The following EPHA3 variants were observed in gnomAD, a reference collection of about 807,000 sequenced individuals.
EPHA3 encodes the protein ephrin type-A receptor 3.
Under a neutral mutation model 107.1 loss-of-function variants are expected in EPHA3, and 42 were observed. The ratio of observed to expected loss-of-function variants is 0.39; its 90% CI spans 0.31 to 0.51. The LOEUF (loss-of-function observed/expected upper bound fraction) is 0.51, where lower values mean the gene tolerates loss of function less well. EPHA3 is among the 20% of genes least tolerant of loss of function. EPHA3 has a pLI of 0.78. For synonymous variants in EPHA3, 461 were observed against 424.8 expected (o/e 1.09, Z -1.05); for missense variants, 1,183 against 1,211.2 (o/e 0.98, Z 0.35).
chr3:89,155,155 A>G (rs1704771303), intron 2 of EPHA3, among the ~76,000 whole-genome samples: 1 of 151,728 alleles, frequency 6.6e-6, no homozygotes, highest in African/African-American at 2.4e-5. Context: ...TAATAGACTC[A>G]GAAGTGTATG....
chr3:89,266,556 G>A (rs1319586547), intron 3 of EPHA3, among the ~76,000 whole-genome samples: 5 of 151,920 alleles, frequency 3.3e-5, no homozygotes, highest in African/African-American at 1.2e-4. Flanking sequence ...TTTTTTTAAA[G>A]TAAATATTTA....
At chr3:89,468,308 G>A (rs1215205889) in intron 15 of EPHA3, among the ~76,000 whole-genome samples, 1 of 151,866 alleles carries the variant, frequency 6.6e-6, no homozygotes, top group African/African-American at 2.4e-5. Context: ...GACAAACTCA[G>A]TTGGGGTCAC....
At chr3:89,309,358 A>C (rs565246031) in intron 3 of EPHA3, among the ~76,000 whole-genome samples, 5 of 152,278 alleles carry the variant, frequency 3.3e-5, no homozygotes, top group African/African-American at 1.2e-4. Flanking sequence ...GGAAAGTTGT[A>C]TCTTGAGCCT....
At position 89,341,231 on chromosome 3, in the gene EPHA3, A is replaced by G. The variant is rs1428846135; in HGVS notation, c.970+160A>G. Among the ~76,000 whole-genome samples the G allele has an allele frequency of 5.9e-5, 9 of 152,184 alleles. 1 individual carries two copies. In the East Asian group the frequency reaches 1.7e-3, roughly 29 times the overall value. On this transcript the variant is annotated intron_variant, in intron 4 of 16. Transcript: ENST00000336596. The stretch of plus-strand genomic sequence containing the variant: ...CTTCACTCCCCATGCTTGGCTCACC[A>G]CAAATGCAACATTTATCACACAAAA...
Position 89,431,274 on chromosome 3 carries a change from T to A in EPHA3, c.2261T>A (p.Ile754Asn), listed in dbSNP as rs755409303. ...GACCTCGCTGCTCGGAACATCTTGA[T>A]CAACAGTAACTTGGTGTGTAAGGTT... is the stretch of plus-strand genomic sequence containing the variant. ...HRDLAARNIL[I>N]NSNLVCKVSD... Residue 754 changes from isoleucine to asparagine, a missense_variant, in exon 13 of 17, where the codon ATC becomes AAC. Transcript: ENST00000336596. 1.2e-6 allele frequency: 2 copies of A among 1,613,840 alleles called. No individual in the cohort carries two copies. The highest frequency in any genetic ancestry group is 2.2e-5 in the East Asian group (1 of 44,844).
chr3:89,137,941 A>G (rs1012657809), intron 2 of EPHA3, among the ~76,000 whole-genome samples: 5 of 151,974 alleles, frequency 3.3e-5, no homozygotes, highest in African/African-American at 9.7e-5. Flanking sequence ...GACCTGTTGC[A>G]TTAGAAACCC....
intron 3 of EPHA3, among the ~76,000 whole-genome samples, chr3:89,278,161 A>G (rs1468316803): frequency 1.3e-5 from 2 of 152,184 alleles, no homozygotes; most frequent in African/African-American, 4.8e-5. Context: ...AAAGGCTAGT[A>G]TGTTATATAT....
chr3:89,407,823 G>T (rs1709083765), intron 8 of EPHA3, among the ~76,000 whole-genome samples: 1 of 152,078 alleles, frequency 6.6e-6, no homozygotes, highest in Non-Finnish European at 1.5e-5. Flanking sequence ...TATAAAAACT[G>T]AACTGGAGGG....
rs146822332 is a variant in EPHA3, at chr3:89,402,405, T to G, written c.1594+2925T>G. ...TGTGAGTTACACATTTTAATCTTTT[T>G]ACAAAAGTTAGTTTACTTTTGCCCT... is the stretch of plus-strand genomic sequence containing the variant. On this transcript the variant is annotated intron_variant, in intron 7 of 16. Transcript: ENST00000336596. Among the ~76,000 whole-genome samples the G allele has an allele frequency of 9.7e-3, 1,484 of 152,254 alleles. 27 individuals carry two copies. The highest frequency in any genetic ancestry group is 0.034 in the African/African-American group (1,417 of 41,546).
chr3:89,407,248 T>C, intron 7 of EPHA3, 21 bp from the exon 8 acceptor site: 1 of 1,584,664 alleles, frequency 6.3e-7, no homozygotes. Flanking sequence ...CTGTTCTTAT[T>C]TTTTCTCTTC....
chr3:89,211,094 G>T (rs1302694927), intron 3 of EPHA3, among the ~76,000 whole-genome samples: 2 of 151,950 alleles, frequency 1.3e-5, no homozygotes, highest in East Asian at 1.9e-4. Flanking sequence ...AATGTATACA[G>T]GCATGATTTT....
rs796857390 is a variant in EPHA3 at position 89,219,703 on chromosome 3, G to GT, written c.814+9189dup. On this transcript the variant is annotated intron_variant, in intron 3 of 16. Coordinates refer to ENST00000336596, the MANE Select transcript of EPHA3 (RefSeq NM_005233.6). ...ATTTGGCAATGTTTTTTTTTTTTTT[G>GT]TTTTTTGTTTTTTTTTTTTTTTTGA... 4.5e-3 allele frequency among the ~76,000 whole-genome samples: 119 copies of GT among 26,228 alleles called. 9 individuals carry two copies. Among genetic ancestry groups the GT allele is most frequent in the Middle Eastern group, 0.038 (1 of 26 alleles). The allele number at this position is 26,228 out of a possible 152,430, so 17.2% of individuals were successfully genotyped here.
At chr3:89,124,843 T>A (rs1218349522) in intron 1 of EPHA3, among the ~76,000 whole-genome samples, 1 of 151,958 alleles carries the variant, frequency 6.6e-6, no homozygotes, top group African/African-American at 2.4e-5. Context: ...AAAATTTAAT[T>A]TCTGAGTAAA....
At chr3:89,332,355 T>C (rs747251806) in intron 3 of EPHA3, among the ~76,000 whole-genome samples, 6 of 152,204 alleles carry the variant, frequency 3.9e-5, no homozygotes, top group Non-Finnish European at 7.3e-5. Flanking sequence ...ACAAACACAA[T>C]AAAGCCTTGT....
chr3:89,336,427 T>C (rs1321388719), intron 3 of EPHA3, among the ~76,000 whole-genome samples: 2 of 152,164 alleles, frequency 1.3e-5, no homozygotes, highest in African/African-American at 4.8e-5. Flanking sequence ...AGACAGGTAA[T>C]TGAGCACAAG....
At chr3:89,456,724 C>A (rs760984408) in intron 15 of EPHA3, among the ~76,000 whole-genome samples, 6 of 152,122 alleles carry the variant, frequency 3.9e-5, no homozygotes. Flanking sequence ...AAGGGAAGGA[C>A]AGTTACATTA....
At position 89,395,913 on chromosome 3, in the gene EPHA3, A is replaced by T. The variant is rs1271844607; in HGVS notation, c.1383A>T (p.Glu461Asp). 9 of 1,613,984 alleles carry T rather than the reference A, an allele frequency of 5.6e-6. No individual in the cohort carries two copies. The highest frequency in any genetic ancestry group is 7.6e-6 in the Non-Finnish European group (9 of 1,179,988). ...TCTCTTTGTCCTGGCAAGAACCTGA[A>T]CATCCTAATGGGATCATATTGGACT... is the stretch of plus-strand genomic sequence containing the variant. ...NSISLSWQEPEHPNGIILDYE... is the reference protein window; with the variant it reads ...NSISLSWQEPDHPNGIILDYE... Residue 461 changes from glutamate (E) to aspartate (D), a missense_variant, in exon 6 of 17, where the codon GAA (glutamate) becomes GAT (aspartate). Coordinates refer to ENST00000336596, the MANE Select transcript of EPHA3 (RefSeq NM_005233.6).
At chr3:89,271,046 T>C (rs571162878) in intron 3 of EPHA3, among the ~76,000 whole-genome samples, 1 of 152,196 alleles carries the variant, frequency 6.6e-6, no homozygotes, top group Non-Finnish European at 1.5e-5. Context: ...AAGCCCTCCC[T>C]ACTATTTGTA....
intron 3 of EPHA3, among the ~76,000 whole-genome samples, chr3:89,271,256 GA>G (rs1705661022): frequency 6.6e-6 from 1 of 151,814 alleles, no homozygotes; most frequent in Non-Finnish European, 1.5e-5. Context: ...GAAACCACAA[GA>G]AAAGCCGAAA....
Sources: allele counts gnomAD v4.1 joint callset (sites outside exome capture counted in the v4.1 genomes callset), GRCh38; gene constraint gnomAD v4.1.1; transcripts MANE v1.5; gene names NCBI Gene and HGNC (gene_info 2026-07-23, HGNC 2026-07-21).